The following SSBP3 variants were observed in gnomAD, a reference collection of about 807,000 sequenced individuals.
SSBP3 encodes single-stranded DNA-binding protein 3.
Under a neutral mutation model 69.6 loss-of-function variants are expected in SSBP3, and 5 were observed. The observed-to-expected ratio is 0.07, with a 90% CI of 0.04 to 0.15. The LOEUF is 0.15. Among genes scored for constraint, SSBP3 ranks in the 10% least tolerant of loss-of-function variants. The pLI is 1.00. For synonymous variants in SSBP3, 196 were observed against 193.4 expected (o/e 1.01, Z -0.11); for missense variants, 312 against 534.0 (o/e 0.58, Z 4.10).
chr1:54,313,068 C>T (rs899991972), intron 4 of SSBP3, among the ~76,000 whole-genome samples: 4 of 149,958 alleles, frequency 2.7e-5, no homozygotes, highest in Non-Finnish European at 5.9e-5. Context: ...TTCATTCCAC[C>T]GACAAACAAG....
At chr1:54,239,669 G>A (rs913036115) in intron 13 of SSBP3, among the ~76,000 whole-genome samples, 43 of 152,200 alleles carry the variant, frequency 2.8e-4, no homozygotes, top group Non-Finnish European at 4.7e-4. Context: ...GGCTGGAAAC[G>A]CATTCACATA....
At chr1:54,241,373 A>C in intron 12 of SSBP3, 101 bp downstream of exon 12, 16 of 1,286,452 alleles carry the variant, frequency 1.2e-5, no homozygotes, top group Non-Finnish European at 1.8e-5. Context: ...TCTGCTCAGA[A>C]GAATGTGTGA....
chr1:54,381,382 CAAAAAAAA>C (rs59809996), intron 4 of SSBP3, among the ~76,000 whole-genome samples: 21 of 69,498 alleles, frequency 3.0e-4, no homozygotes, highest in Admixed American at 8.5e-4. Flanking sequence ...TACACCATCT[CAAAAAAAA>C]AAAAAAAAAA....
At chr1:54,261,742 G>A (rs894013711) in intron 5 of SSBP3, among the ~76,000 whole-genome samples, 2 of 152,176 alleles carry the variant, frequency 1.3e-5, no homozygotes, top group Non-Finnish European at 2.9e-5. Context: ...TCCAGAGGCT[G>A]CCTAATTAAC....
intron 4 of SSBP3, among the ~76,000 whole-genome samples, chr1:54,291,985 G>A (rs762448967): frequency 3.3e-5 from 5 of 152,210 alleles, no homozygotes; most frequent in Non-Finnish European, 5.9e-5. Context: ...CAGCTGAGAA[G>A]GAAGGGAGAG....
At chr1:54,335,643 T>C (rs1279109221) in intron 4 of SSBP3, among the ~76,000 whole-genome samples, 1 of 151,992 alleles carries the variant, frequency 6.6e-6, no homozygotes. Context: ...AACACATCGA[T>C]TCAAGGAAAC....
chr1:54,362,683 C>G (rs900509635), intron 4 of SSBP3, among the ~76,000 whole-genome samples: 1 of 152,190 alleles, frequency 6.6e-6, no homozygotes, highest in Non-Finnish European at 1.5e-5. Flanking sequence ...TAGCAGGCCC[C>G]CAAATCTAAC....
chr1:54,361,903 T>C (rs1033926283), intron 4 of SSBP3, among the ~76,000 whole-genome samples: 1 of 152,208 alleles, frequency 6.6e-6, no homozygotes, highest in Non-Finnish European at 1.5e-5. Flanking sequence ...CCTTCCGCCA[T>C]GGGTTCAGTT....
intron 4 of SSBP3, among the ~76,000 whole-genome samples, chr1:54,299,802 C>T (rs920237325): frequency 6.6e-6 from 1 of 152,156 alleles, no homozygotes; most frequent in Non-Finnish European, 1.5e-5. Flanking sequence ...CAGATCAAAC[C>T]CAGATCGCTC....
intron 4 of SSBP3, among the ~76,000 whole-genome samples, chr1:54,318,639 C>T (rs1350716545): frequency 2.6e-5 from 4 of 152,118 alleles, no homozygotes; most frequent in Non-Finnish European, 4.4e-5. Flanking sequence ...GAGGCACAGG[C>T]TGTAAGGAAC....
chr1:54,313,836 AGCTCAC>A (rs1646049862), intron 4 of SSBP3, among the ~76,000 whole-genome samples: 1 of 151,610 alleles, frequency 6.6e-6, no homozygotes, highest in African/African-American at 2.4e-5. Context: ...GTGGGATCTC[AGCTCAC>A]TGCAACCTCC....
chr1:54,398,111 GATT>G (rs1649026677), intron 4 of SSBP3, among the ~76,000 whole-genome samples: 1 of 152,126 alleles, frequency 6.6e-6, no homozygotes, highest in Admixed American at 6.6e-5. Flanking sequence ...AAAGATAGAG[GATT>G]TCTAGTCTCA....
At chr1:54,365,800 C>T (rs1647021295) in intron 4 of SSBP3, among the ~76,000 whole-genome samples, 1 of 152,222 alleles carries the variant, frequency 6.6e-6, no homozygotes, top group Non-Finnish European at 1.5e-5. Flanking sequence ...CCACTTCTTT[C>T]CTTGAAATCT....
chr1:54,230,076 A>T (rs1485821259), intron 14 of SSBP3, among the ~76,000 whole-genome samples: 1 of 152,220 alleles, frequency 6.6e-6, no homozygotes, highest in Admixed American at 6.5e-5. Flanking sequence ...AAGGCTACCA[A>T]GTGGGTGGCA....
intron 4 of SSBP3, among the ~76,000 whole-genome samples, chr1:54,288,590 G>GTT (rs2100925237): frequency 1.4e-5 from 2 of 143,566 alleles, no homozygotes; most frequent in South Asian, 4.7e-4. Flanking sequence ...CAGGGGTGGG[G>GTT]GGGGGGAGGG....
intron 4 of SSBP3, among the ~76,000 whole-genome samples, chr1:54,395,716 A>C (rs994604659): frequency 6.6e-6 from 1 of 152,172 alleles, no homozygotes; most frequent in Non-Finnish European, 1.5e-5. Context: ...CCGGCCAGGA[A>C]ATGAGGATCC....
At chr1:54,363,901 G>A (rs12038987) in intron 4 of SSBP3, among the ~76,000 whole-genome samples, 20,513 of 152,190 alleles carry the variant, frequency 0.13, 1,496 homozygotes, top group East Asian at 0.28. Flanking sequence ...AGAGAGGCCT[G>A]GACAGGCCAC....
intron 6 of SSBP3, among the ~76,000 whole-genome samples, 162 bp downstream of exon 6, chr1:54,257,907 A>T (rs1644950455): frequency 6.6e-6 from 1 of 152,240 alleles, no homozygotes. Context: ...AGGACTGAAG[A>T]CTATCTTTAG....
intron 4 of SSBP3, among the ~76,000 whole-genome samples, chr1:54,332,848 G>A (rs1646441813): frequency 6.6e-6 from 1 of 152,230 alleles, no homozygotes; most frequent in Non-Finnish European, 1.5e-5. Flanking sequence ...GCCCACAGGG[G>A]ACCAGAGGGG....
Sources: allele counts gnomAD v4.1 joint callset (sites outside exome capture counted in the v4.1 genomes callset), GRCh38; gene constraint gnomAD v4.1.1; transcripts MANE v1.5; gene names NCBI Gene and HGNC (gene_info 2026-07-23, HGNC 2026-07-21).